Variants in DENND2B observed in about 807,000 individuals in gnomAD.
The protein encoded by DENND2B is DENN domain containing 2B.
DENND2B carries 32 observed loss-of-function variants against 116.0 expected under a neutral mutation model. That is an observed-to-expected ratio of 0.28 (90% confidence interval 0.21 to 0.37). The LOEUF is 0.37. Ranked by LOEUF, DENND2B falls within the 10% of genes least tolerant of loss-of-function variation. The pLI is 1.00. For synonymous variants in DENND2B, 588 were observed against 583.9 expected (o/e 1.01, Z -0.10); for missense variants, 1,276 against 1,477.7 (o/e 0.86, Z 2.24).
intron 2 of DENND2B, among the ~76,000 whole-genome samples, chr11:8,862,398 C>T (rs555028487): frequency 2.1e-5 from 3 of 141,458 alleles, no homozygotes; most frequent in South Asian, 2.3e-4. Flanking sequence ...GCCACAGTCT[C>T]GACTCACTGC....
chr11:8,695,453 G>A lies in DENND2B; in HGVS notation c.3379+10C>T, dbSNP rs767524789. The A allele has an allele frequency of 1.9e-6, 3 of 1,612,478 alleles. No individual in the cohort carries two copies. Among genetic ancestry groups the A allele is most frequent in the Non-Finnish European group, 2.5e-6 (3 of 1,179,078 alleles). On this transcript the variant is annotated intron_variant, in intron 19 of 19. Coordinates refer to ENST00000313726, the MANE Select transcript of DENND2B (RefSeq NM_213618.2). ...TGAACATCTATCTCATCAGTAACAA[G>A]GCCACTTACCCAAACCTCGGAGAAA...
Position 8,707,681 on chromosome 11 carries a change from A to T in DENND2B, c.2430+96T>A. The T allele has an allele frequency of 8.4e-7, 1 of 1,195,068 alleles. No individual in the cohort carries two copies. Among genetic ancestry groups the T allele is most frequent in the Non-Finnish European group, 1.2e-6 (1 of 840,700 alleles). 74.0% of individuals were successfully genotyped at this position (1,195,068 alleles called of 1,614,324 possible). A position where few individuals can be genotyped will look rare whatever the true frequency, so the allele number is the denominator to read the frequency against. ...TGCATTCTGTCTCCCGCTCGCTCAC[A>T]GTCACAGGTGGTTTTCTCATCTAAG... On this transcript the variant is annotated intron_variant, in intron 12 of 19. Coordinates refer to ENST00000313726, the MANE Select transcript of DENND2B (RefSeq NM_213618.2). This position sits in a 1 kb window ranked among gnomAD's most constrained non-coding sequence, Gnocchi z 4.8.
chr11:8,736,015 G>A (rs2048965655), intron 2 of DENND2B, among the ~76,000 whole-genome samples: 1 of 152,210 alleles, frequency 6.6e-6, no homozygotes, highest in South Asian at 2.1e-4. Flanking sequence ...CAAGAGAAGG[G>A]CAGGGCCTGC....
chr11:8,817,066 G>C (rs977844387), intron 4 of DENND2B, among the ~76,000 whole-genome samples: 35 of 152,320 alleles, frequency 2.3e-4, no homozygotes, highest in African/African-American at 7.7e-4. Context: ...GCTGGACAGA[G>C]AAGAAAGGTG....
chr11:8,856,738 T>G (rs987958382), intron 3 of DENND2B, among the ~76,000 whole-genome samples: 5 of 150,298 alleles, frequency 3.3e-5, no homozygotes, highest in African/African-American at 4.9e-5. Flanking sequence ...CTCTCCTCAC[T>G]CTATCACTAT....
intron 1 of DENND2B, among the ~76,000 whole-genome samples, chr11:8,888,834 C>T (rs1487497017): frequency 6.6e-6 from 1 of 152,182 alleles, no homozygotes; most frequent in Non-Finnish European, 1.5e-5. Flanking sequence ...CATCACTAAT[C>T]ATTACGGAAA....
chr11:8,723,952 A>G (rs886152371), intron 4 of DENND2B, among the ~76,000 whole-genome samples: 11 of 152,238 alleles, frequency 7.2e-5, no homozygotes, highest in Non-Finnish European at 1.0e-4. Context: ...AGTGGTAAGG[A>G]AACGGCTGTG....
At chr11:8,807,776 G>C (rs1299507030) in intron 1 of DENND2B, 1 of 152,202 alleles carries the variant, frequency 6.6e-6, no homozygotes, top group Non-Finnish European at 1.5e-5. Flanking sequence ...TTCTCCTTCA[G>C]GCCTTAGAGG....
At chr11:8,769,226 C>T (rs959196443) in intron 1 of DENND2B, among the ~76,000 whole-genome samples, 5 of 144,450 alleles carry the variant, frequency 3.5e-5, no homozygotes, top group East Asian at 2.1e-4. Context: ...GTAACAGCAA[C>T]GTAAAGCAAC....
At chr11:8,786,846 A>G (rs554353352) in intron 1 of DENND2B, among the ~76,000 whole-genome samples, 18 of 152,260 alleles carry the variant, frequency 1.2e-4, no homozygotes, top group African/African-American at 4.3e-4. Context: ...ACAACAAAAA[A>G]AAACAAGATT....
At chr11:8,772,625 G>A (rs1329357382) in intron 1 of DENND2B, among the ~76,000 whole-genome samples, 1 of 152,074 alleles carries the variant, frequency 6.6e-6, no homozygotes, top group Non-Finnish European at 1.5e-5. Flanking sequence ...GTGTGAGAGA[G>A]AAGGAAACAG....
rs549095056 is a variant in DENND2B, at chr11:8,776,543, G to C, written c.-25-25818C>G. 3.7e-4 allele frequency: 99 copies of C among 270,216 alleles called. 3 individuals carry two copies. The South Asian group carries it at 3.8e-3, about 10-fold the overall frequency. The allele number at this position is 270,216 out of a possible 1,614,324, so 16.7% of individuals were successfully genotyped here. ...ATGCAGGCAGCAGAGTCAACCACCA[G>C]ACATCGCAGGCAGCTTGCTGTGCCA... On this transcript the variant is annotated intron_variant, in intron 1 of 19. Transcript: ENST00000313726.
chr11:8,906,509 C>A (rs200846168), intron 1 of DENND2B, among the ~76,000 whole-genome samples: 10,281 of 123,920 alleles, frequency 0.083, 584 homozygotes, highest in African/African-American at 0.2. Flanking sequence ...AAGAAGTCTT[C>A]AAAAAAAAAA....
intron 4 of DENND2B, chr11:8,718,977 C>T (rs1592675231): frequency 1.0e-6 from 1 of 987,224 alleles, no homozygotes; most frequent in South Asian, 4.7e-5. Flanking sequence ...CCTCTCTGCA[C>T]CCCTTTCCCT....
intron 1 of DENND2B, among the ~76,000 whole-genome samples, chr11:8,797,446 C>A (rs1399854815): frequency 1.6e-5 from 2 of 127,410 alleles, no homozygotes; most frequent in Admixed American, 8.5e-5. Context: ...CCCTTCTTCC[C>A]CCTTCTTCCT....
At chr11:8,768,391 T>G (rs1027292001) in intron 1 of DENND2B, among the ~76,000 whole-genome samples, 29 of 152,162 alleles carry the variant, frequency 1.9e-4, no homozygotes, top group Admixed American at 1.8e-3. Context: ...GGACTACAGG[T>G]GCATGTAACC....
In DENND2B at chr11:8,712,972, G is replaced by A. The variant is rs2044040807; in HGVS notation, c.1988-237C>T. ...GGTCCTCCTGGAGCCTCTGGAGACT[G>A]AGCTGGGGCAGGAGGACTGCCGAGG... On this transcript the variant is annotated intron_variant, in intron 8 of 19. Transcript: ENST00000313726. This position sits in a 1 kb window ranked among gnomAD's most constrained non-coding sequence, Gnocchi z 4.4. Among the ~76,000 whole-genome samples the A allele has an allele frequency of 6.6e-6, 1 of 152,198 alleles. No homozygotes were observed. The highest frequency in any genetic ancestry group is 2.1e-4 in the South Asian group (1 of 4,826).
chr11:8,867,234 C>T (rs2063613382), intron 2 of DENND2B, among the ~76,000 whole-genome samples: 1 of 152,168 alleles, frequency 6.6e-6, no homozygotes, highest in African/African-American at 2.4e-5. Flanking sequence ...AATGTCTCCA[C>T]CCACTGCTGC....
chr11:8,735,114 G>A (rs182292009), intron 2 of DENND2B, among the ~76,000 whole-genome samples: 1 of 152,256 alleles, frequency 6.6e-6, no homozygotes, highest in African/African-American at 2.4e-5. Flanking sequence ...GGTTGATCTC[G>A]GTGATTTGCT....
Sources: gnomAD v4.1 joint callset for allele counts (sites outside exome capture counted in the v4.1 genomes callset) on GRCh38, gnomAD v4.1.1 for gene constraint, Gnocchi (gnomAD v3.1) non-coding constraint, MANE v1.5 for transcripts, NCBI Gene and HGNC (gene_info 2026-07-23, HGNC 2026-07-21) for gene names.